Variants in TMC6 observed in about 807,000 individuals in gnomAD.
TMC6 encodes the protein transmembrane channel-like protein 6.
Under a neutral mutation model 95.4 loss-of-function variants are expected in TMC6, and 71 were observed. The observed-to-expected ratio is 0.74, with a 90% CI of 0.61 to 0.91. TMC6 has a LOEUF of 0.91. TMC6 is among the 40% of genes least tolerant of loss of function. The probability of loss-of-function intolerance (pLI) is 0.00; values close to 1 mark genes in which losing one functional copy is unlikely to be tolerated. For missense variants in TMC6, 1,074 were observed against 1,079.1 expected (o/e 1.00, Z 0.07); for synonymous variants, 514 against 483.1 (o/e 1.06, Z -0.84).
rs1374697578 is a variant in TMC6, at chr17:78,112,394, C to T, written c.*754G>A. ...CCCACCCCCCACAGCCTACGGTTTT[C>T]GGTATCCCACGGGCTCCTCAAACTC... On this transcript the variant is annotated 3_prime_UTR_variant, in exon 20 of 20. Transcript: ENST00000590602. 2 of 178,366 alleles carry T rather than the reference C, an allele frequency of 1.1e-5. No homozygotes were observed. Among genetic ancestry groups the T allele is most frequent in the Non-Finnish European group, 2.4e-5 (2 of 82,706 alleles). The allele number at this position is 178,366 out of a possible 1,614,324, so 11.0% of individuals were successfully genotyped here. A position where few individuals can be genotyped will look rare whatever the true frequency, so the allele number is the denominator to read the frequency against.
At position 78,121,821 on chromosome 17, in the gene TMC6, A is replaced by G. The variant is rs1417252879; in HGVS notation, c.1228-110T>C. On this transcript the variant is annotated intron_variant, in intron 10 of 19. Transcript: ENST00000590602. The surrounding 1 kb of genome is among the most constrained non-coding windows in gnomAD (Gnocchi z 5.6). ...ACATGAGACACACCAGGAGGCTTGAACCAGGACAGAGGGCCAGTTCCCCAT... is the reference window on the plus strand; with the variant it reads ...ACATGAGACACACCAGGAGGCTTGAGCCAGGACAGAGGGCCAGTTCCCCAT... 7.2e-7 allele frequency: 1 copy of G among 1,385,518 alleles called. No individual in the cohort carries two copies. The highest frequency in any genetic ancestry group is 9.5e-7 in the Non-Finnish European group (1 of 1,048,280). 85.8% of individuals were successfully genotyped at this position (1,385,518 alleles called of 1,614,324 possible).
At chr17:78,118,896 T>A in intron 15 of TMC6, 75 bp downstream of exon 15, 1 of 1,490,606 alleles carries the variant, frequency 6.7e-7, no homozygotes. Context: ...TGTCCCAGGC[T>A]CTGCCCAGCT....
intron 4 of TMC6, 28 bp downstream of exon 4, chr17:78,126,249 C>T (rs759406793): frequency 3.8e-5 from 59 of 1,543,430 alleles, no homozygotes; most frequent in Middle Eastern, 1.7e-4. Context: ...GGGCCGGGGC[C>T]GAGGCCGAGG....
rs370571978 is a variant in TMC6, at chr17:78,117,352, G to A, written c.2199-5C>T. On this transcript the variant is annotated splice_polypyrimidine_tract_variant and splice_region_variant and intron_variant, in intron 17 of 19. Transcript: ENST00000590602. ...ATGTTGAGGTAGATCACGGCCCTGCGGGAGAGGGGCTGTCGGGCAGGGCCC... is the reference window on the plus strand; with the variant it reads ...ATGTTGAGGTAGATCACGGCCCTGCAGGAGAGGGGCTGTCGGGCAGGGCCC... 166 of 1,613,272 alleles carry A rather than the reference G, an allele frequency of 1.0e-4. No homozygotes were observed. Among genetic ancestry groups the A allele is most frequent in the African/African-American group, 1.3e-4 (10 of 75,040 alleles).
Position 78,112,742 on chromosome 17 carries a change from G to C in TMC6, c.*406C>G, listed in dbSNP as rs1250125949. On this transcript the variant is annotated 3_prime_UTR_variant, in exon 20 of 20. Coordinates refer to ENST00000590602, the MANE Select transcript of TMC6 (RefSeq NM_001127198.5). ...CGCGAGTTCAGGCTGGTCAAAGGCA[G>C]CAAGCGAATCAAGCCCTGGCGCGGT... is the stretch of plus-strand genomic sequence containing the variant. 1 of 282,088 alleles carries C rather than the reference G, an allele frequency of 3.5e-6. No homozygotes were observed. The highest frequency in any genetic ancestry group is 4.9e-5 in the Admixed American group (1 of 20,370). The allele number at this position is 282,088 out of a possible 1,614,324, so 17.5% of individuals were successfully genotyped here.
rs10715213 is a variant in TMC6 at position 78,110,069 on chromosome 17, GAAAA to G, written c.*3075_*3078del. On this transcript the variant is annotated 3_prime_UTR_variant, in exon 20 of 20. Coordinates refer to ENST00000590602, the MANE Select transcript of TMC6 (RefSeq NM_001127198.5). ...GAACAAGAGTGAAACTCCATTCCAA[GAAAA>G]AAAAAAAAAATTCACATCCAAAATT... 464 of 132,780 alleles carry G rather than the reference GAAAA, an allele frequency of 3.5e-3. 12 individuals carry two copies. The highest frequency in any genetic ancestry group is 0.029 in the South Asian group (119 of 4,154). 8.2% of individuals were successfully genotyped at this position (132,780 alleles called of 1,614,324 possible). A position where few individuals can be genotyped will look rare whatever the true frequency, so the allele number is the denominator to read the frequency against.
rs1482656230 is a variant in TMC6 at position 78,113,185 on chromosome 17, G to A, written c.2381C>T (p.Ala794Val). The change falls in exon 20 of 20, where the codon GCA becomes GTA. Residue 794 changes from alanine (A) to valine (V), a missense_variant. By Grantham distance (64) the Ala-to-Val change is moderately conservative. Coordinates refer to ENST00000590602, the MANE Select transcript of TMC6 (RefSeq NM_001127198.5). ...TTCATCTGTGAGCAGGGCAGGGGGT[G>A]CCGCAGCCTCCTCGGTTGTCCCAAC... ...SRVGTTEEAA[A>V]PPALLTDEQD... 6.4e-7 allele frequency: 1 copy of A among 1,558,202 alleles called. No homozygotes were observed. Among genetic ancestry groups the A allele is most frequent in the Admixed American group, 1.9e-5 (1 of 51,962 alleles).
rs368378986 is a variant in TMC6 at position 78,113,141 on chromosome 17, C to T, written c.*7G>A. 5.2e-6 allele frequency: 8 copies of T among 1,552,692 alleles called. No homozygotes were observed. The highest frequency in any genetic ancestry group is 4.1e-5 in the African/African-American group (3 of 73,386). ...TGGGCGGGCCCGTGAGGCCCATCGCCGTCCCCCTAGGCATCCTGTTCATCT... is the reference window on the plus strand; with the variant it reads ...TGGGCGGGCCCGTGAGGCCCATCGCTGTCCCCCTAGGCATCCTGTTCATCT... On this transcript the variant is annotated 3_prime_UTR_variant, in exon 20 of 20. Coordinates refer to ENST00000590602, the MANE Select transcript of TMC6 (RefSeq NM_001127198.5).
rs2145392605 is a variant in TMC6, at chr17:78,125,732, C to T, written c.424G>A (p.Glu142Lys). 1.9e-6 allele frequency: 3 copies of T among 1,565,852 alleles called. No homozygotes were observed. Among genetic ancestry groups the T allele is most frequent in the Non-Finnish European group, 2.6e-6 (3 of 1,155,636 alleles). The part of the protein sequence containing the change: ...DLELDPTALE[E>K]EEKQSLLVKE... ...CCAGTGCCCACTCACTCACCCTCCT[C>T]CTCCAGGGCCGTGGGGTCCAGCTCC... The change falls in exon 5 of 20, where the codon GAG (glutamate) becomes AAG (lysine). Residue 142 changes from glutamate to lysine, a missense_variant. By Grantham distance (56) the Glu-to-Lys change is moderately conservative (BLOSUM62 1). Transcript: ENST00000590602.
chr17:78,122,033 C>G lies in TMC6; in HGVS notation c.1228-322G>C, dbSNP rs996152585. Among the ~76,000 whole-genome samples the G allele has an allele frequency of 2.0e-5, 3 of 152,146 alleles. No individual in the cohort carries two copies. The highest frequency in any genetic ancestry group is 7.2e-5 in the African/African-American group (3 of 41,442). On this transcript the variant is annotated intron_variant, in intron 10 of 19. Transcript: ENST00000590602. The surrounding 1 kb of genome is among the most constrained non-coding windows in gnomAD (Gnocchi z 4.9). ...CCTTGCTCAGAGGTCCTTTCCTGTT[C>G]CCTGTGGATGTGGGTGGCCCCCAGT...
chr17:78,129,534 G>A (rs2074905003), upstream of TMC6, among the ~76,000 whole-genome samples: 2 of 152,188 alleles, frequency 1.3e-5, no homozygotes, highest in Admixed American at 1.3e-4. This position sits in a 1 kb window ranked among gnomAD's most constrained non-coding sequence, Gnocchi z 4.3. Flanking sequence ...ATTTGGAAGG[G>A]AGGGTCATTC....
At chr17:78,131,768 T>TGGG (rs571238694), upstream of TMC6, 36 of 1,561,086 alleles carry the variant, frequency 2.3e-5, no homozygotes, top group African/African-American at 3.3e-4. Flanking sequence ...AGACGGTGCG[T>TGGG]GGGGGGGGTG....
In TMC6 at chr17:78,118,509, T is replaced by C. The variant is rs550154594; in HGVS notation, c.1887+462A>G. Among the ~76,000 whole-genome samples the C allele has an allele frequency of 3.2e-4, 48 of 151,856 alleles. No individual in the cohort carries two copies. In the South Asian group the frequency reaches 9.6e-3, roughly 30 times the overall value. On this transcript the variant is annotated intron_variant, in intron 15 of 19. Transcript: ENST00000590602. ...AGGCGGAGCTTGCAGTGAGCCGAGA[T>C]TGCGCCACTGCACTCCAGCCTGGGC...
upstream of TMC6, chr17:78,132,407 T>C: frequency 1.2e-6 from 2 of 1,613,028 alleles, no homozygotes; most frequent in Non-Finnish European, 1.7e-6. Flanking sequence ...CTCCGCTTCC[T>C]GCTGCTACTC....
chr17:78,114,822 C>A (rs140886680), intron 18 of TMC6, among the ~76,000 whole-genome samples: 1 of 152,158 alleles, frequency 6.6e-6, no homozygotes, highest in Admixed American at 6.5e-5. Flanking sequence ...AAACTCAGAC[C>A]GACAGCCCCA....
chr17:78,114,776 G>A (rs752373770), intron 18 of TMC6, among the ~76,000 whole-genome samples: 2 of 152,186 alleles, frequency 1.3e-5, no homozygotes, highest in Admixed American at 1.3e-4. Flanking sequence ...AGTATGGAGG[G>A]GCTGTGCACT....
At chr17:78,131,870 A>G (rs2145574411), upstream of TMC6, 6 of 1,455,720 alleles carry the variant, frequency 4.1e-6, no homozygotes, top group Non-Finnish European at 5.4e-6. Context: ...CCCTGTCACC[A>G]CCCCCGTCCA....
At position 78,120,875 on chromosome 17, in the gene TMC6, G is replaced by A. The variant is rs1419482221; in HGVS notation, c.1536-43C>T. On this transcript the variant is annotated intron_variant, in intron 12 of 19. Transcript: ENST00000590602. The stretch of plus-strand genomic sequence containing the variant: ...CAAAGGCTGAGGGGCGGGTACAGGG[G>A]ACAGAAGATGCACCCCAGGGCCCCC... The A allele has an allele frequency of 2.5e-6, 4 of 1,610,916 alleles. No homozygotes were observed. The East Asian group carries it at 8.9e-5, about 36-fold the overall frequency.
chr17:78,116,130 C>A (rs943077953), intron 18 of TMC6, among the ~76,000 whole-genome samples: 8 of 152,144 alleles, frequency 5.3e-5, no homozygotes, highest in Admixed American at 2.0e-4. Flanking sequence ...GTGGACGCCA[C>A]CACGCCCAGC....
Sources: gnomAD v4.1 joint callset for allele counts (sites outside exome capture counted in the v4.1 genomes callset) on GRCh38, gnomAD v4.1.1 for gene constraint, Gnocchi (gnomAD v3.1) non-coding constraint, MANE v1.5 for transcripts, NCBI Gene and HGNC (gene_info 2026-07-23, HGNC 2026-07-21) for gene names.